The following ESR1 variants were observed in gnomAD, a reference collection of about 807,000 sequenced individuals.
ESR1 encodes the protein estrogen receptor.
Under a neutral mutation model 52.7 loss-of-function variants are expected in ESR1, and 12 were observed. That is an observed-to-expected ratio of 0.23 (90% CI 0.15 to 0.37). ESR1 has a LOEUF of 0.37. Ranked by LOEUF, ESR1 falls within the 10% of genes least tolerant of loss-of-function variation. The pLI is 1.00. For synonymous variants in ESR1, 305 were observed against 316.8 expected, an observed-to-expected ratio of 0.96 and a Z score of 0.39; for missense variants, 584 against 779.7, an observed-to-expected ratio of 0.75 and a Z score of 2.99.
intron 2 of ESR1, among the ~76,000 whole-genome samples, chr6:151,849,995 T>TGC: frequency 7.9e-6 from 1 of 126,256 alleles, no homozygotes; most frequent in East Asian, 2.4e-4. Context: ...TATATATATA[T>TGC]ATATATATAT....
chr6:151,664,568 C>A (rs918622910), intron 1 of ESR1, among the ~76,000 whole-genome samples: 1 of 152,258 alleles, frequency 6.6e-6, no homozygotes, highest in African/African-American at 2.4e-5. Flanking sequence ...TACTTTCCAG[C>A]CCATCTGATA....
chr6:151,714,066 CTTAT>C (rs1320761964), intron 2 of ESR1, among the ~76,000 whole-genome samples: 2 of 152,158 alleles, frequency 1.3e-5, no homozygotes, highest in Non-Finnish European at 2.9e-5. Context: ...TTTCAAAGAA[CTTAT>C]TTATTTCTGC....
chr6:151,771,420 T>C (rs1295953186), intron 2 of ESR1, among the ~76,000 whole-genome samples: 1 of 152,248 alleles, frequency 6.6e-6, no homozygotes, highest in African/African-American at 2.4e-5. Context: ...CAGTATAACC[T>C]GTTGAAAATT....
At chr6:152,031,984 A>G (rs1169994793) in intron 5 of ESR1, among the ~76,000 whole-genome samples, 1 of 152,254 alleles carries the variant, frequency 6.6e-6, no homozygotes, top group Non-Finnish European at 1.5e-5. Context: ...GGCTGGTTCA[A>G]CATATGCAAG....
rs2128155519 is a variant in ESR1, at chr6:151,807,987, C to T, written c.75C>T (p.Pro25=). 6.2e-7 allele frequency: 1 copy of T among 1,613,980 alleles called. No individual in the cohort carries two copies. Among genetic ancestry groups the T allele is most frequent in the Non-Finnish European group, 8.5e-7 (1 of 1,179,986 alleles). ...LHQIQGNELE[P]LNRPQLKIPL... ...AGATCCAAGGGAACGAGCTGGAGCC[C>T]CTGAACCGTCCGCAGCTCAAGATCC... The change falls in exon 1 of 8, where the codon CCC becomes CCT. Residue 25 remains proline, a synonymous_variant. Transcript: ENST00000206249.
chr6:151,994,741 C>A (rs1246036756), intron 4 of ESR1, among the ~76,000 whole-genome samples: 1 of 152,090 alleles, frequency 6.6e-6, no homozygotes, highest in Non-Finnish European at 1.5e-5. Flanking sequence ...TTCTAGCAAA[C>A]TACCAGCATG....
chr6:151,802,468 T>C (rs539666286), upstream of ESR1, among the ~76,000 whole-genome samples: 1 of 152,320 alleles, frequency 6.6e-6, no homozygotes, highest in South Asian at 2.1e-4. Flanking sequence ...CTTTCATGTT[T>C]CTTTTGGAGG....
At chr6:151,666,696 C>CCCTCCTCCTCCTCCTCCTCCT in intron 1 of ESR1, among the ~76,000 whole-genome samples, 1 of 97,396 alleles carries the variant, frequency 1.0e-5, no homozygotes. Context: ...TTCCCCATCC[C>CCCTCCTCCTCCTCCTCCTCCT]CCTCCTCCTC....
At chr6:151,838,062 C>T (rs369987987) in intron 1 of ESR1, among the ~76,000 whole-genome samples, 2 of 152,090 alleles carry the variant, frequency 1.3e-5, no homozygotes, top group Non-Finnish European at 2.9e-5. Context: ...TGCAGTGGTG[C>T]AATCATAGCT....
chr6:151,835,211 T>C (rs1227006062), intron 1 of ESR1, among the ~76,000 whole-genome samples: 2 of 152,088 alleles, frequency 1.3e-5, no homozygotes, highest in East Asian at 3.9e-4. Context: ...GAGGGCTTTC[T>C]GGGAAAGATA....
chr6:151,834,463 C>T (rs1782952583), intron 1 of ESR1, among the ~76,000 whole-genome samples: 1 of 152,162 alleles, frequency 6.6e-6, no homozygotes, highest in East Asian at 1.9e-4. Flanking sequence ...AAACCACACA[C>T]TGCATGTTCT....
At chr6:151,685,840 G>C (rs1350929858), upstream of ESR1, among the ~76,000 whole-genome samples, 1 of 152,096 alleles carries the variant, frequency 6.6e-6, no homozygotes, top group Non-Finnish European at 1.5e-5. Context: ...TGTATATAAA[G>C]AGGAGGCACA....
intron 3 of ESR1, among the ~76,000 whole-genome samples, chr6:151,888,675 A>G (rs1033319939): frequency 6.6e-5 from 10 of 151,912 alleles, no homozygotes; most frequent in Admixed American, 5.2e-4. Flanking sequence ...TTTCTTGCAT[A>G]ATTGCTCTGG....
At chr6:151,963,598 G>A (rs1422326635) in intron 4 of ESR1, among the ~76,000 whole-genome samples, 2 of 152,104 alleles carry the variant, frequency 1.3e-5, no homozygotes. Context: ...TTAGATTTAT[G>A]GTTTGCAAAT....
intron 1 of ESR1, among the ~76,000 whole-genome samples, chr6:151,818,698 C>G (rs1471222011): frequency 6.6e-6 from 1 of 152,034 alleles, no homozygotes; most frequent in Non-Finnish European, 1.5e-5. Flanking sequence ...TCAGTTTTCT[C>G]TTATTGCTGT....
chr6:151,748,575 G>A (rs1055634900), intron 2 of ESR1, among the ~76,000 whole-genome samples: 5 of 152,154 alleles, frequency 3.3e-5, no homozygotes, highest in African/African-American at 1.2e-4. Context: ...GAGTACATTT[G>A]TGAAGATATT....
chr6:151,765,662 G>GAGTT (rs1056757135), intron 2 of ESR1, among the ~76,000 whole-genome samples: 10 of 152,130 alleles, frequency 6.6e-5, no homozygotes, highest in African/African-American at 2.4e-4. Context: ...CTACATGGAG[G>GAGTT]AGTTGCCTGG....
chr6:151,803,268 C>G (rs1034281630), upstream of ESR1, among the ~76,000 whole-genome samples: 1 of 152,026 alleles, frequency 6.6e-6, no homozygotes, highest in African/African-American at 2.4e-5. Context: ...TGCATGATAA[C>G]TACTACTAGA....
intron 5 of ESR1, among the ~76,000 whole-genome samples, chr6:152,024,516 G>T (rs2043957285): frequency 6.6e-6 from 1 of 151,514 alleles, no homozygotes; most frequent in African/African-American, 2.4e-5. Flanking sequence ...ACCAAGGGGT[G>T]CCTTTTCATT....
Sources: gnomAD v4.1 joint callset for allele counts (sites outside exome capture counted in the v4.1 genomes callset) on GRCh38, gnomAD v4.1.1 for gene constraint, MANE v1.5 for transcripts, NCBI Gene and HGNC (gene_info 2026-07-23, HGNC 2026-07-21) for gene names.